The following PCDHGB3 variants were observed in gnomAD, a reference collection of about 807,000 sequenced individuals.
PCDHGB3 encodes the protein protocadherin gamma subfamily B, 3.
PCDHGB3 carries 40 observed loss-of-function variants against 59.2 expected under a neutral mutation model. The observed-to-expected ratio is 0.68, with a 90% CI of 0.52 to 0.88. The LOEUF is 0.88. PCDHGB3 is among the 40% of genes least tolerant of loss of function. The pLI is 0.00. For missense variants in PCDHGB3, 1,309 were observed against 1,187.9 expected (o/e 1.10, Z -1.50); for synonymous variants, 581 against 503.6 (o/e 1.15, Z -2.06).
chr5:141,392,911 A>G (rs1416480997), intron 1 of PCDHGB3: 1 of 1,613,712 alleles, frequency 6.2e-7, no homozygotes, highest in African/African-American at 1.3e-5. Context: ...CAGATTCGCT[A>G]CTCTGTGCCA....
intron 1 of PCDHGB3, chr5:141,398,884 G>C: frequency 6.2e-7 from 1 of 1,613,952 alleles, no homozygotes; most frequent in Non-Finnish European, 8.5e-7. Flanking sequence ...CAGCCTTCGG[G>C]AAAACGTGCC....
At chr5:141,500,619 G>A (rs1230172485) in intron 2 of PCDHGB3, among the ~76,000 whole-genome samples, 1 of 152,072 alleles carries the variant, frequency 6.6e-6, no homozygotes, top group East Asian at 1.9e-4. Context: ...CCAGTCATAC[G>A]GTACATTTCC....
At chr5:141,433,853 A>G (rs934981508) in intron 1 of PCDHGB3, among the ~76,000 whole-genome samples, 1 of 152,026 alleles carries the variant, frequency 6.6e-6, no homozygotes, top group Non-Finnish European at 1.5e-5. Flanking sequence ...AAAAAAAAAA[A>G]AACTTTATCC....
chr5:141,483,750 A>G (rs1453478545), intron 1 of PCDHGB3, among the ~76,000 whole-genome samples: 1 of 152,138 alleles, frequency 6.6e-6, no homozygotes, highest in African/African-American at 2.4e-5. Flanking sequence ...ATTCCTGAGG[A>G]TCGAGGCTTG....
chr5:141,385,604 CAT>C, intron 1 of PCDHGB3: 1 of 1,188,174 alleles, frequency 8.4e-7, no homozygotes, highest in Non-Finnish European at 1.1e-6. Flanking sequence ...TTTCTTAACT[CAT>C]ATATTTTATA....
chr5:141,499,563 A>C (rs979866448), intron 2 of PCDHGB3, among the ~76,000 whole-genome samples: 3 of 152,242 alleles, frequency 2.0e-5, no homozygotes, highest in Non-Finnish European at 2.9e-5. Context: ...ACCACTATCC[A>C]GCTTCAACTA....
chr5:141,490,279 G>A lies in PCDHGB3; in HGVS notation c.2416-4528G>A, dbSNP rs1344083401. The A allele has an allele frequency of 5.6e-6, 9 of 1,614,228 alleles. No individual in the cohort carries two copies. In the East Asian group the frequency reaches 1.8e-4, roughly 32 times the overall value. On this transcript the variant is annotated intron_variant, in intron 1 of 3. Coordinates refer to ENST00000576222, the MANE Select transcript of PCDHGB3 (RefSeq NM_018924.5). This position sits in a 1 kb window ranked among gnomAD's most constrained non-coding sequence, Gnocchi z 5.4. ...GGATGTGGGGGATGTCAATGACAAT[G>A]CCCCAGAGGTGCTATTGGCCTCTTT...
chr5:141,492,084 G>A (rs979755390), intron 1 of PCDHGB3, among the ~76,000 whole-genome samples: 1 of 152,236 alleles, frequency 6.6e-6, no homozygotes, highest in Non-Finnish European at 1.5e-5. Flanking sequence ...GCTCCGGCAC[G>A]CTTCGCCGGT....
At position 141,476,114 on chromosome 5, in the gene PCDHGB3, G is replaced by C; in HGVS notation, c.2416-18693G>C. 3.8e-6 allele frequency: 6 copies of C among 1,592,296 alleles called. No homozygotes were observed. Among genetic ancestry groups the C allele is most frequent in the Non-Finnish European group, 5.1e-6 (6 of 1,171,536 alleles). On this transcript the variant is annotated intron_variant, in intron 1 of 3. Coordinates refer to ENST00000576222, the MANE Select transcript of PCDHGB3 (RefSeq NM_018924.5). This position sits in a 1 kb window ranked among gnomAD's most constrained non-coding sequence, Gnocchi z 7.6. Reference sequence around the variant, plus strand: ...CCGCTGAGAGGAACTGCTTTTGAGTGAGATGGTCCCAGAGGCCTGGAGGAG... The same window carrying C: ...CCGCTGAGAGGAACTGCTTTTGAGTCAGATGGTCCCAGAGGCCTGGAGGAG...
At position 141,404,686 on chromosome 5, in the gene PCDHGB3, A is replaced by G. The variant is rs1281158377; in HGVS notation, c.2415+31877A>G. On this transcript the variant is annotated intron_variant, in intron 1 of 3. Transcript: ENST00000576222. ...ATGGTTCTACTGGTGTGGAGCTGGC[A>G]CCCCGCTCTGCAGAGCCTGGCTACC... 4 of 1,613,710 alleles carry G rather than the reference A, an allele frequency of 2.5e-6. No individual in the cohort carries two copies. In the African/African-American group the frequency reaches 5.3e-5, roughly 22 times the overall value.
Position 141,487,418 on chromosome 5 carries a change from A to T in PCDHGB3, c.2416-7389A>T. ...GGAGGGGCTTCCCCCTTCCAATGGG[A>T]TCCTCCGAATCCAGCTAGGGTCAGA... On this transcript the variant is annotated intron_variant, in intron 1 of 3. Transcript: ENST00000576222. The surrounding 1 kb of genome is among the most constrained non-coding windows in gnomAD (Gnocchi z 5.0). The T allele has an allele frequency of 6.2e-7, 1 of 1,614,060 alleles. No homozygotes were observed. The highest frequency in any genetic ancestry group is 8.5e-7 in the Non-Finnish European group (1 of 1,179,998).
chr5:141,417,995 G>A (rs779307855), intron 1 of PCDHGB3: 74 of 1,613,786 alleles, frequency 4.6e-5, no homozygotes, highest in Admixed American at 1.7e-4. Flanking sequence ...CAAGGGCTCG[G>A]TGGTGGGGAA....
At chr5:141,412,479 T>G (rs1282087411) in intron 1 of PCDHGB3, 1 of 152,180 alleles carries the variant, frequency 6.6e-6, no homozygotes, top group African/African-American at 2.4e-5. Context: ...TTTAAAAACC[T>G]CTTACACAAT....
At chr5:141,399,842 A>G (rs749737928) in intron 1 of PCDHGB3, 11 of 1,612,852 alleles carry the variant, frequency 6.8e-6, no homozygotes, top group Non-Finnish European at 8.5e-7. Flanking sequence ...GCGCTCTTCG[A>G]TATGGTGCCG....
chr5:141,447,064 C>T (rs1453083716), intron 1 of PCDHGB3, among the ~76,000 whole-genome samples: 1 of 152,064 alleles, frequency 6.6e-6, no homozygotes, highest in Non-Finnish European at 1.5e-5. Context: ...ATGTGTCAGG[C>T]TGTTTTAATT....
At chr5:141,510,450 T>G (rs1273211856) in intron 3 of PCDHGB3, among the ~76,000 whole-genome samples, 1 of 151,946 alleles carries the variant, frequency 6.6e-6, no homozygotes, top group Non-Finnish European at 1.5e-5. Flanking sequence ...CAGGAGCCCA[T>G]GGTCTAGTGT....
At chr5:141,422,872 C>T (rs773469060) in intron 1 of PCDHGB3, 19 of 1,614,134 alleles carry the variant, frequency 1.2e-5, no homozygotes, top group African/African-American at 2.7e-5. Flanking sequence ...CAACGTGTCG[C>T]TGAGCCTGTT....
chr5:141,461,639 C>T (rs1041604977), intron 1 of PCDHGB3, among the ~76,000 whole-genome samples: 12 of 152,088 alleles, frequency 7.9e-5, no homozygotes, highest in Non-Finnish European at 1.6e-4. Flanking sequence ...GCAATTTCTT[C>T]TTTGACCCAT....
At chr5:141,398,747 AC>A in intron 1 of PCDHGB3, 1 of 1,613,496 alleles carries the variant, frequency 6.2e-7, no homozygotes, top group Middle Eastern at 1.6e-4. Context: ...CAACAGAGTT[AC>A]CATCGTTTAG....
Sources: gnomAD v4.1 joint callset for allele counts (sites outside exome capture counted in the v4.1 genomes callset) on GRCh38, gnomAD v4.1.1 for gene constraint, Gnocchi (gnomAD v3.1) non-coding constraint, MANE v1.5 for transcripts, NCBI Gene and HGNC (gene_info 2026-07-23, HGNC 2026-07-21) for gene names.